Variants in ST7 observed in about 807,000 individuals in gnomAD.
ST7 encodes suppression of tumorigenicity 7, also known as suppressor of tumorigenicity 7 protein.
In ST7, 28 loss-of-function variants were observed where a neutral mutation model predicts 78.7. That is an observed-to-expected ratio of 0.36 (90% confidence interval 0.26 to 0.49). ST7 has a LOEUF of 0.49. Among genes scored for constraint, ST7 ranks in the 20% least tolerant of loss-of-function variants. ST7 has a pLI of 0.99. For missense variants in ST7, 418 were observed against 696.0 expected, an observed-to-expected ratio of 0.60 and a Z score of 4.49; for synonymous variants, 247 against 249.6, an observed-to-expected ratio of 0.99 and a Z score of 0.10.
chr7:117,021,252 G>A (rs1381766154), intron 1 of ST7, among the ~76,000 whole-genome samples: 1 of 152,070 alleles, frequency 6.6e-6, no homozygotes, highest in Non-Finnish European at 1.5e-5. Context: ...TGCAGAGAAG[G>A]CCCTGCACAA....
At chr7:117,050,522 A>G (rs1027237412) in intron 1 of ST7, among the ~76,000 whole-genome samples, 2 of 152,222 alleles carry the variant, frequency 1.3e-5, no homozygotes, top group Non-Finnish European at 2.9e-5. Context: ...TTGTGTGTGT[A>G]GGTTTTGATA....
At chr7:116,998,019 G>A (rs1563001748) in intron 1 of ST7, among the ~76,000 whole-genome samples, 1 of 152,206 alleles carries the variant, frequency 6.6e-6, no homozygotes, top group African/African-American at 2.4e-5. Context: ...TTGGACGGTC[G>A]ATGGGACCAG....
At chr7:116,985,937 A>G (rs1380955983) in intron 1 of ST7, among the ~76,000 whole-genome samples, 1 of 151,990 alleles carries the variant, frequency 6.6e-6, no homozygotes, top group East Asian at 1.9e-4. Context: ...GGTTCAAGCG[A>G]CTCTTATGTC....
At chr7:117,142,459 ACCCCTGTACCT>A (rs1805402714) in intron 9 of ST7, among the ~76,000 whole-genome samples, 1 of 150,396 alleles carries the variant, frequency 6.6e-6, no homozygotes. Context: ...TTGCAGCTTA[ACCCCTGTACCT>A]CCCCAGTTGT....
At chr7:117,151,304 C>T (rs1313551529) in intron 9 of ST7, among the ~76,000 whole-genome samples, 1 of 152,192 alleles carries the variant, frequency 6.6e-6, no homozygotes, top group Admixed American at 6.5e-5. Context: ...CTGAACTCAG[C>T]TTATGCTACT....
chr7:117,166,744 C>T (rs1264608977), intron 9 of ST7, among the ~76,000 whole-genome samples: 1 of 152,012 alleles, frequency 6.6e-6, no homozygotes, highest in Non-Finnish European at 1.5e-5. Context: ...AAAAAATTAG[C>T]CGGGCATGGT....
At position 117,222,050 on chromosome 7, in the gene ST7, C is replaced by A. The variant is rs1259681691; in HGVS notation, c.1626C>A (p.Val542=). ...ATCAGTTCCCGGAACTTATGGGGGT[C>A]TTCGCAAAAGCTGTGAGTGTTTGCC... is the stretch of plus-strand genomic sequence containing the variant. ...LTHQFPELMG[V]FAKAFLSTLF... is the part of the protein sequence containing the mutation. Residue 542 remains valine, a synonymous_variant, in exon 15 of 16, where the codon GTC becomes GTA. Coordinates refer to ENST00000323984, the MANE Select transcript of ST7 (RefSeq NM_001369598.1). 1.2e-6 allele frequency: 2 copies of A among 1,609,636 alleles called. No individual in the cohort carries two copies. The highest frequency in any genetic ancestry group is 1.7e-6 in the Non-Finnish European group (2 of 1,178,368).
chr7:117,022,987 T>C (rs1009197192), intron 1 of ST7: 11 of 152,174 alleles, frequency 7.2e-5, no homozygotes, highest in African/African-American at 2.7e-4. Flanking sequence ...TTATTTCCCC[T>C]CTTCATGAAA....
rs35640208 is a variant in ST7, at chr7:116,961,555, C to CGTGTGTGTGTGT, written c.151+7892_151+7903dup. Among the ~76,000 whole-genome samples, 442 of 138,498 alleles carry CGTGTGTGTGTGT rather than the reference C, an allele frequency of 3.2e-3. 2 individuals carry two copies. The highest frequency in any genetic ancestry group is 9.3e-3 in the East Asian group (43 of 4,612). 90.9% of individuals were successfully genotyped at this position (138,498 alleles called of 152,430 possible). A position where few individuals can be genotyped will look rare whatever the true frequency, so the allele number is the denominator to read the frequency against. On this transcript the variant is annotated intron_variant, in intron 1 of 15. Coordinates refer to ENST00000323984, the MANE Select transcript of ST7 (RefSeq NM_001369598.1). ...ACCTCCATGGTTAGCTGTATTCCTA[C>CGTGTGTGTGTGT]GTGTGTGTGTGTGTGTGTGTGTGTG... is the stretch of plus-strand genomic sequence containing the variant.
chr7:117,062,173 G>C (rs1057388957), intron 1 of ST7, among the ~76,000 whole-genome samples: 4 of 152,128 alleles, frequency 2.6e-5, no homozygotes, highest in Non-Finnish European at 5.9e-5. Flanking sequence ...TCTTATGAGG[G>C]CACTAATCCC....
chr7:117,091,322 T>G (rs1393492325), intron 1 of ST7, among the ~76,000 whole-genome samples: 1 of 152,216 alleles, frequency 6.6e-6, no homozygotes, highest in Non-Finnish European at 1.5e-5. Context: ...GCTGTGCTTT[T>G]AATCCTTGAT....
At chr7:116,979,758 T>G (rs1192203124) in intron 1 of ST7, among the ~76,000 whole-genome samples, 1 of 152,116 alleles carries the variant, frequency 6.6e-6, no homozygotes, top group Non-Finnish European at 1.5e-5. Context: ...CTTTAATGTC[T>G]TTCTATTGCC....
intron 1 of ST7, among the ~76,000 whole-genome samples, chr7:117,005,787 T>TA (rs1795130890): frequency 6.6e-6 from 1 of 152,220 alleles, no homozygotes; most frequent in Admixed American, 6.5e-5. Flanking sequence ...GAGTACCATG[T>TA]AAAAGAGTGG....
chr7:117,119,553 T>C lies in ST7; in HGVS notation c.235-8T>C, dbSNP rs372124547. On this transcript the variant is annotated splice_polypyrimidine_tract_variant and splice_region_variant and intron_variant, in intron 2 of 15. Coordinates refer to ENST00000323984, the MANE Select transcript of ST7 (RefSeq NM_001369598.1). ...GTGACCATAAACACGCTTATTTTTCTGTTCTAGATATTTGAATGGTGGTAT... is the reference window on the plus strand; with the variant it reads ...GTGACCATAAACACGCTTATTTTTCCGTTCTAGATATTTGAATGGTGGTAT... 5 of 1,604,828 alleles carry C rather than the reference T, an allele frequency of 3.1e-6. No homozygotes were observed. In the African/African-American group the frequency reaches 5.4e-5, roughly 17 times the overall value.
chr7:117,214,910 TTGTGTGTGTGTGTG>T (rs147915016), intron 13 of ST7, among the ~76,000 whole-genome samples: 34 of 143,150 alleles, frequency 2.4e-4, no homozygotes, highest in African/African-American at 6.4e-4. Context: ...GGAAGAACAT[TTGTGTGTGTGTGTG>T]TGTGTGTGTG....
chr7:117,067,380 A>C (rs1182801773), intron 1 of ST7, among the ~76,000 whole-genome samples: 1 of 152,138 alleles, frequency 6.6e-6, no homozygotes, highest in Non-Finnish European at 1.5e-5. Flanking sequence ...TAAAGTAGTA[A>C]AAGCAGATTT....
At chr7:117,189,151 C>G (rs1280542812) in intron 10 of ST7, among the ~76,000 whole-genome samples, 170 bp from the exon 11 acceptor site, 2 of 152,160 alleles carry the variant, frequency 1.3e-5, no homozygotes, top group African/African-American at 2.4e-5. Context: ...TTTCACATAC[C>G]ACGTTGATAC....
intron 1 of ST7, chr7:117,020,385 T>G: frequency 3.8e-6 from 2 of 520,058 alleles, no homozygotes; most frequent in Non-Finnish European, 6.5e-6. Context: ...TTTGGTGCTG[T>G]TAAGAGACCT....
At chr7:117,205,534 A>T (rs989810703) in intron 12 of ST7, among the ~76,000 whole-genome samples, 138 of 152,324 alleles carry the variant, frequency 9.1e-4, no homozygotes, top group African/African-American at 3.3e-3. Flanking sequence ...GATCATTTTC[A>T]TTCAAATTAT....
Sources: allele counts gnomAD v4.1 joint callset (sites outside exome capture counted in the v4.1 genomes callset), GRCh38; gene constraint gnomAD v4.1.1; transcripts MANE v1.5; gene names NCBI Gene and HGNC (gene_info 2026-07-23, HGNC 2026-07-21).